Variants in RBM19 observed in about 807,000 individuals in gnomAD.
RBM19 encodes the protein RNA binding motif protein 19, also known as probable RNA-binding protein 19.
RBM19 carries 94 observed loss-of-function variants against 116.8 expected under a neutral mutation model. The ratio of observed to expected loss-of-function variants is 0.80; its 90% CI spans 0.68 to 0.95. RBM19 has a LOEUF of 0.95. Ranked by LOEUF, RBM19 falls within the 40% of genes least tolerant of loss-of-function variation. The probability of loss-of-function intolerance (pLI) is 0.00; values close to 1 mark genes in which losing one functional copy is unlikely to be tolerated. For synonymous variants in RBM19, 475 were observed against 494.1 expected (o/e 0.96, Z 0.51); for missense variants, 1,161 against 1,220.7 (o/e 0.95, Z 0.73).
At chr12:113,888,999 T>C (rs748916251) in intron 21 of RBM19, among the ~76,000 whole-genome samples, 13 of 152,186 alleles carry the variant, frequency 8.5e-5, no homozygotes, top group Non-Finnish European at 1.6e-4. Flanking sequence ...ATTTAGTGGG[T>C]GGTGGCCATG....
intron 16 of RBM19, among the ~76,000 whole-genome samples, chr12:113,933,899 T>C (rs10850242): frequency 0.16 from 24,272 of 152,224 alleles, 2,570 homozygotes; most frequent in African/African-American, 0.3. Flanking sequence ...GCTGCTGGCT[T>C]GGGGCTGGTG....
chr12:113,904,387 A>G (rs1881910581), intron 21 of RBM19, among the ~76,000 whole-genome samples: 1 of 152,214 alleles, frequency 6.6e-6, no homozygotes, highest in Non-Finnish European at 1.5e-5. Context: ...AGTATCTGTG[A>G]GTGCAAATAC....
chr12:113,928,392 A>C (rs950438560), intron 16 of RBM19, among the ~76,000 whole-genome samples: 5 of 148,900 alleles, frequency 3.4e-5, no homozygotes, highest in Non-Finnish European at 7.4e-5. Context: ...TGATCTGCAC[A>C]TTTATGAGAA....
Position 113,889,673 on chromosome 12 carries a change from CAAA to C in RBM19, c.2558+25293_2558+25295del, listed in dbSNP as rs374167674. Reference sequence around the variant, plus strand: ...TAAAAAAACAAAAACAAACAAACAACAAAAAAAAAAACAAAAAGACCCCAAAAC... The same window carrying C: ...TAAAAAAACAAAAACAAACAAACAACAAAAAAAACAAAAAGACCCCAAAAC... On this transcript the variant is annotated intron_variant, in intron 21 of 23. Coordinates refer to ENST00000261741, the MANE Select transcript of RBM19 (RefSeq NM_016196.4). Among the ~76,000 whole-genome samples the C allele has an allele frequency of 1.2e-4, 4 of 33,450 alleles. No individual in the cohort carries two copies. In the East Asian group the frequency reaches 2.2e-3, roughly 18 times the overall value. 21.9% of individuals were successfully genotyped at this position (33,450 alleles called of 152,430 possible). A position where few individuals can be genotyped will look rare whatever the true frequency, so the allele number is the denominator to read the frequency against.
At chr12:113,820,051 T>C (rs1344016080), downstream of RBM19, among the ~76,000 whole-genome samples, 4 of 142,862 alleles carry the variant, frequency 2.8e-5, no homozygotes, top group Admixed American at 1.4e-4. Flanking sequence ...GGATGGGGGA[T>C]AGGGGGTTGG....
Position 113,945,828 on chromosome 12 carries a change from G to A in RBM19, c.1626C>T (p.His542=), listed in dbSNP as rs1283567124. The change falls in exon 13 of 24, where the codon CAC becomes CAT. Residue 542 remains histidine (H), a splice_region_variant and synonymous_variant. Coordinates refer to ENST00000261741, the MANE Select transcript of RBM19 (RefSeq NM_016196.4). ...AGAGGACTGGTCGGCCCTTACTCAC[G>A]TGGTCAAACACTTGACTCTTGGTGG... The part of the protein sequence containing the change: ...YNATKSQVFD[H]ETKGSVAVRV... The A allele has an allele frequency of 4.5e-5, 70 of 1,547,236 alleles. No individual in the cohort carries two copies. Among genetic ancestry groups the A allele is most frequent in the Middle Eastern group, 1.7e-4 (1 of 5,936 alleles).
chr12:113,936,628 T>A (rs989130089), intron 16 of RBM19, among the ~76,000 whole-genome samples: 2 of 152,190 alleles, frequency 1.3e-5, no homozygotes, highest in East Asian at 3.8e-4. Context: ...TCACTGGACA[T>A]CAGAGGGCAC....
chr12:113,944,880 C>T (rs762506694), intron 13 of RBM19, among the ~76,000 whole-genome samples: 7 of 151,096 alleles, frequency 4.6e-5, no homozygotes, highest in Non-Finnish European at 7.4e-5. Flanking sequence ...TATATATATA[C>T]ACATTTATAT....
chr12:113,940,554 C>T (rs1198489540), intron 14 of RBM19, among the ~76,000 whole-genome samples: 10 of 152,234 alleles, frequency 6.6e-5, no homozygotes, highest in East Asian at 3.8e-4. Context: ...GCAGAGCTAA[C>T]GCCCCCTGGG....
chr12:113,821,838 C>A (rs1874436477), downstream of RBM19, among the ~76,000 whole-genome samples: 1 of 152,182 alleles, frequency 6.6e-6, no homozygotes. Flanking sequence ...TAAGGGGGTG[C>A]CTGCCCTAGA....
chr12:113,942,236 T>C, intron 14 of RBM19, 88 bp downstream of exon 14: 1 of 1,116,936 alleles, frequency 9.0e-7, no homozygotes, highest in Non-Finnish European at 1.3e-6. Context: ...GAAGGCCAGA[T>C]CCTTAAATCC....
chr12:113,849,176 T>C (rs74579354), intron 22 of RBM19, among the ~76,000 whole-genome samples: 1 of 152,340 alleles, frequency 6.6e-6, no homozygotes, highest in Non-Finnish European at 1.5e-5. Context: ...CTGGCCTCCG[T>C]TTCCAGAACC....
chr12:113,851,951 T>C (rs375172832), intron 22 of RBM19, among the ~76,000 whole-genome samples: 2 of 151,846 alleles, frequency 1.3e-5, no homozygotes. Flanking sequence ...CTTGGGAGGC[T>C]GAGGCAGGAG....
At chr12:113,899,336 G>C (rs1304914069) in intron 21 of RBM19, among the ~76,000 whole-genome samples, 1 of 152,220 alleles carries the variant, frequency 6.6e-6, no homozygotes, top group Non-Finnish European at 1.5e-5. Flanking sequence ...CCACAATAGA[G>C]ATGACAGCAA....
At chr12:113,861,067 T>TG (rs1878324944) in intron 21 of RBM19, among the ~76,000 whole-genome samples, 2 of 152,212 alleles carry the variant, frequency 1.3e-5, no homozygotes. Context: ...ACCAAGGCTC[T>TG]GGGAGCCAGG....
At chr12:113,855,853 G>A (rs1877852882) in intron 22 of RBM19, among the ~76,000 whole-genome samples, 1 of 152,320 alleles carries the variant, frequency 6.6e-6, no homozygotes, top group East Asian at 1.9e-4. Flanking sequence ...CAGTGTGGAC[G>A]ATTCTACGGG....
At chr12:113,887,938 TG>T (rs1880657788) in intron 21 of RBM19, among the ~76,000 whole-genome samples, 1 of 152,148 alleles carries the variant, frequency 6.6e-6, no homozygotes. Flanking sequence ...CCCAGGCTGT[TG>T]TTGAACTCGT....
rs187531145 is a variant in RBM19 at position 113,826,596 on chromosome 12, G to A, written c.2786-3275C>T. Reference sequence around the variant, plus strand: ...CATGGTGGGGAACAAGCCTGGCTTGGCCCCACCTAAGGCTTTCTGGTCTGG... The same window carrying A: ...CATGGTGGGGAACAAGCCTGGCTTGACCCCACCTAAGGCTTTCTGGTCTGG... On this transcript the variant is annotated intron_variant, in intron 23 of 23. Coordinates refer to ENST00000261741, the MANE Select transcript of RBM19 (RefSeq NM_016196.4). 1.2e-4 allele frequency among the ~76,000 whole-genome samples: 19 copies of A among 152,318 alleles called. 1 individual carries two copies. In the East Asian group the frequency reaches 3.5e-3, roughly 28 times the overall value.
At chr12:113,835,991 G>A (rs1875847935) in intron 23 of RBM19, among the ~76,000 whole-genome samples, 1 of 152,254 alleles carries the variant, frequency 6.6e-6, no homozygotes, top group South Asian at 2.1e-4. Context: ...TGCGCTCGCA[G>A]GTACTGTGGC....
Sources: allele counts gnomAD v4.1 joint callset (sites outside exome capture counted in the v4.1 genomes callset), GRCh38; gene constraint gnomAD v4.1.1; transcripts MANE v1.5; gene names NCBI Gene and HGNC (gene_info 2026-07-23, HGNC 2026-07-21).